The following SPECC1 variants were observed in gnomAD, a reference collection of about 807,000 sequenced individuals.
The protein encoded by SPECC1 is sperm antigen with calponin homology and coiled-coil domains 1.
SPECC1 carries 62 observed loss-of-function variants against 104.1 expected under a neutral mutation model. That is an observed-to-expected ratio of 0.60 (90% confidence interval 0.49 to 0.74). The LOEUF (loss-of-function observed/expected upper bound fraction) is 0.74, where lower values mean the gene tolerates loss of function less well. Ranked by LOEUF, SPECC1 falls within the 30% of genes least tolerant of loss-of-function variation. SPECC1 has a pLI of 0.00. For missense variants in SPECC1, 1,306 were observed against 1,310.5 expected (o/e 1.00, Z 0.05); for synonymous variants, 513 against 501.6 (o/e 1.02, Z -0.30).
At chr17:20,030,397 G>A (rs2044761304) in intron 1 of SPECC1, among the ~76,000 whole-genome samples, 1 of 151,242 alleles carries the variant, frequency 6.6e-6, no homozygotes, top group Non-Finnish European at 1.5e-5. Flanking sequence ...CCATATTATT[G>A]TTGTAATTAT....
At chr17:20,206,787 A>G (rs1019389590) in intron 4 of SPECC1, among the ~76,000 whole-genome samples, 1 of 152,220 alleles carries the variant, frequency 6.6e-6, no homozygotes, top group Non-Finnish European at 1.5e-5. Flanking sequence ...ATTGCCCTTC[A>G]GAAATATTAT....
At chr17:20,300,883 G>A (rs1464341936) in intron 13 of SPECC1, among the ~76,000 whole-genome samples, 1 of 152,252 alleles carries the variant, frequency 6.6e-6, no homozygotes, top group Non-Finnish European at 1.5e-5. Context: ...AGCCCTGGAT[G>A]TCTGGAATTT....
At chr17:20,203,279 TAA>T (rs34012069) in intron 3 of SPECC1, among the ~76,000 whole-genome samples, 25,571 of 138,448 alleles carry the variant, frequency 0.18, 5,091 homozygotes, top group African/African-American at 0.5. Context: ...TTTCAGTTTG[TAA>T]AAAAAAAAAA....
At chr17:20,191,390 C>G (rs1052332455) in intron 3 of SPECC1, among the ~76,000 whole-genome samples, 3 of 151,300 alleles carry the variant, frequency 2.0e-5, no homozygotes, top group Non-Finnish European at 2.9e-5. Context: ...ATTTGGTGTT[C>G]TTATTGTTTT....
chr17:20,033,398 T>A (rs2152444637), intron 1 of SPECC1, among the ~76,000 whole-genome samples: 1 of 152,296 alleles, frequency 6.6e-6, no homozygotes, highest in African/African-American at 2.4e-5. Flanking sequence ...TTTAATGAAG[T>A]TGATTTCCCC....
chr17:20,256,138 A>G (rs1432656318), intron 10 of SPECC1, among the ~76,000 whole-genome samples: 1 of 152,084 alleles, frequency 6.6e-6, no homozygotes, highest in Non-Finnish European at 1.5e-5. Flanking sequence ...CGGCCTCCCA[A>G]AGTGCTGGGA....
chr17:20,113,263 ATGACCAGG>A, intron 3 of SPECC1, among the ~76,000 whole-genome samples: 1 of 152,124 alleles, frequency 6.6e-6, no homozygotes, highest in African/African-American at 2.4e-5. Context: ...ACCTGGTTTT[ATGACCAGG>A]AATAGTATCT....
chr17:20,132,465 T>C (rs1268600856), intron 3 of SPECC1, among the ~76,000 whole-genome samples: 3 of 152,068 alleles, frequency 2.0e-5, no homozygotes, highest in Non-Finnish European at 4.4e-5. Context: ...TTTGTGTTAA[T>C]TCTTCGTTAA....
chr17:20,136,157 T>C (rs1403494176), intron 3 of SPECC1, among the ~76,000 whole-genome samples: 1 of 152,076 alleles, frequency 6.6e-6, no homozygotes, highest in Non-Finnish European at 1.5e-5. Flanking sequence ...TGGCTCACAC[T>C]TCTCACACTT....
At chr17:20,171,010 G>A (rs2034048565) in intron 3 of SPECC1, among the ~76,000 whole-genome samples, 2 of 152,134 alleles carry the variant, frequency 1.3e-5, no homozygotes, top group South Asian at 4.1e-4. Flanking sequence ...ATTATAAGCA[G>A]TCTAACCTTT....
intron 1 of SPECC1, among the ~76,000 whole-genome samples, chr17:20,042,915 T>G (rs765936390): frequency 6.6e-6 from 1 of 152,162 alleles, no homozygotes; most frequent in Non-Finnish European, 1.5e-5. Flanking sequence ...TTGTTTTATA[T>G]CTAGTGTTGA....
intron 2 of SPECC1, among the ~76,000 whole-genome samples, chr17:20,102,958 A>G (rs1297350257): frequency 6.6e-6 from 1 of 152,164 alleles, no homozygotes; most frequent in Non-Finnish European, 1.5e-5. Context: ...TCAGAGCAAC[A>G]CTCTGAAGTG....
At position 20,267,734 on chromosome 17, in the gene SPECC1, C is replaced by T. The variant is rs145914076; in HGVS notation, c.2940+7440C>T. Among the ~76,000 whole-genome samples the T allele has an allele frequency of 1.6e-3, 240 of 152,210 alleles. 2 individuals are homozygous for T. Among genetic ancestry groups the T allele is most frequent in the African/African-American group, 5.4e-3 (225 of 41,556 alleles). On this transcript the variant is annotated intron_variant, in intron 12 of 14. Transcript: ENST00000395527. ...AAAGCATTAGTGCTGAGGTCCTGGC[C>T]GTGCCCAGAAATTGCCATGTGGGTG...
intron 1 of SPECC1, among the ~76,000 whole-genome samples, chr17:20,093,774 A>G (rs1481648634): frequency 6.9e-6 from 1 of 145,056 alleles, no homozygotes; most frequent in Non-Finnish European, 1.5e-5. Flanking sequence ...TCTGTCACCC[A>G]GGCTGGAGTG....
At chr17:20,231,656 CT>C in intron 5 of SPECC1, 101 bp from the exon 6 acceptor site, 1 of 988,812 alleles carries the variant, frequency 1.0e-6, no homozygotes, top group East Asian at 2.4e-5. Context: ...ATTTGGATGC[CT>C]GTTGTGGCAT....
At chr17:20,242,545 G>A (rs540015093) in intron 7 of SPECC1, among the ~76,000 whole-genome samples, 18 of 152,254 alleles carry the variant, frequency 1.2e-4, no homozygotes, top group Admixed American at 3.3e-4. Flanking sequence ...ATGGGTTGCC[G>A]CCTTTTAAGA....
chr17:20,098,851 A>G (rs918227), intron 2 of SPECC1, among the ~76,000 whole-genome samples: 83,996 of 152,062 alleles, frequency 0.55, 23,739 homozygotes, highest in Middle Eastern at 0.62. Context: ...CCCCCTGCAG[A>G]CAGGGACTGT....
intron 1 of SPECC1, among the ~76,000 whole-genome samples, chr17:20,076,404 T>G (rs1451992579): frequency 2.6e-5 from 4 of 152,172 alleles, no homozygotes; most frequent in Non-Finnish European, 4.4e-5. Context: ...TTCACTATGG[T>G]TCCCAGGCTG....
intron 12 of SPECC1, among the ~76,000 whole-genome samples, chr17:20,264,436 T>C (rs971622245): frequency 5.4e-5 from 8 of 149,036 alleles, no homozygotes; most frequent in African/African-American, 2.0e-4. Flanking sequence ...TTGCCATCCA[T>C]GTGGCTTTTT....
Sources: allele counts gnomAD v4.1 joint callset (sites outside exome capture counted in the v4.1 genomes callset), GRCh38; gene constraint gnomAD v4.1.1; transcripts MANE v1.5; gene names NCBI Gene and HGNC (gene_info 2026-07-23, HGNC 2026-07-21).